ZFHX3: variants seen among roughly 807,000 people sequenced by gnomAD.
ZFHX3 encodes zinc finger homeobox 3, also known as zinc finger homeobox protein 3.
In ZFHX3, 42 loss-of-function variants were observed where a neutral mutation model predicts 279.1. The observed-to-expected ratio is 0.15, with a 90% CI of 0.12 to 0.19. The LOEUF is 0.19. Ranked by LOEUF, ZFHX3 falls within the 10% of genes least tolerant of loss-of-function variation. The pLI is 1.00. For synonymous variants in ZFHX3, 2,293 were observed against 1,957.8 expected, an observed-to-expected ratio of 1.17 and a Z score of -4.52; for missense variants, 4,981 against 4,754.0, an observed-to-expected ratio of 1.05 and a Z score of -1.40.
chr16:73,881,894 C>A (rs979699760), intron 1 of ZFHX3, among the ~76,000 whole-genome samples: 1 of 152,082 alleles, frequency 6.6e-6, no homozygotes, highest in Non-Finnish European at 1.5e-5. Flanking sequence ...ACCTGCCCCG[C>A]AGCTCCCCTC....
chr16:73,451,137 A>G (rs2018276213), intron 3 of ZFHX3, among the ~76,000 whole-genome samples: 3 of 152,198 alleles, frequency 2.0e-5, no homozygotes, highest in Admixed American at 2.0e-4. Context: ...AGTGGGTGAG[A>G]TGAGATCAGT....
In ZFHX3 at chr16:72,787,025, TTTTTC is replaced by T; in HGVS notation, c.*134_*138del. On this transcript the variant is annotated 3_prime_UTR_variant, in exon 10 of 10. Coordinates refer to ENST00000268489, the MANE Select transcript of ZFHX3 (RefSeq NM_006885.4). The stretch of plus-strand genomic sequence containing the variant: ...AGGTATATGGGAAAACAACCCACGC[TTTTTC>T]TTTTTTTTCTTTTTTTTTTTTTTTT... The T allele has an allele frequency of 2.0e-6, 2 of 1,023,230 alleles. No individual in the cohort carries two copies. Among genetic ancestry groups the T allele is most frequent in the East Asian group, 3.5e-5 (1 of 28,324 alleles). The allele number at this position is 1,023,230 out of a possible 1,614,324, so 63.4% of individuals were successfully genotyped here. A position where few individuals can be genotyped will look rare whatever the true frequency, so the allele number is the denominator to read the frequency against.
chr16:73,680,849 G>C (rs1378358871), intron 1 of ZFHX3, among the ~76,000 whole-genome samples: 4 of 152,102 alleles, frequency 2.6e-5, no homozygotes, highest in Non-Finnish European at 5.9e-5. Flanking sequence ...GTGTGAGTGG[G>C]GTAAGTGCCT....
chr16:73,871,484 TAA>T (rs1249371833), intron 1 of ZFHX3, among the ~76,000 whole-genome samples: 1 of 135,132 alleles, frequency 7.4e-6, no homozygotes, highest in Admixed American at 7.4e-5. Context: ...GGGAGGACAA[TAA>T]AAAAAAAAAG....
intron 1 of ZFHX3, among the ~76,000 whole-genome samples, chr16:73,735,291 G>T (rs957484047): frequency 4.0e-5 from 6 of 149,902 alleles, no homozygotes; most frequent in East Asian, 2.0e-4. Context: ...CAACTATAAG[G>T]TTTGATGATA....
chr16:73,552,881 C>T (rs1348245630), intron 2 of ZFHX3, among the ~76,000 whole-genome samples: 1 of 152,212 alleles, frequency 6.6e-6, no homozygotes, highest in Non-Finnish European at 1.5e-5. Flanking sequence ...CCAGTAACAC[C>T]TCTGAAGGCA....
intron 1 of ZFHX3, among the ~76,000 whole-genome samples, chr16:73,748,434 A>G (rs2053724145): frequency 6.6e-6 from 1 of 152,180 alleles, no homozygotes; most frequent in Admixed American, 6.5e-5. Flanking sequence ...AGATTTCCTG[A>G]GCTGGCATTC....
At chr16:73,864,933 T>A (rs1314972674) in intron 1 of ZFHX3, among the ~76,000 whole-genome samples, 1 of 152,244 alleles carries the variant, frequency 6.6e-6, no homozygotes, top group Non-Finnish European at 1.5e-5. Context: ...CAGCTTGTTT[T>A]GACCAATACA....
intron 7 of ZFHX3, chr16:73,098,701 T>G (rs1966196243): frequency 6.6e-6 from 1 of 152,222 alleles, no homozygotes; most frequent in African/African-American, 2.4e-5. Flanking sequence ...TTTTTTCATC[T>G]GATCTACCTT....
At chr16:73,033,306 T>A (rs936675160) in intron 1 of ZFHX3, among the ~76,000 whole-genome samples, 13 of 152,178 alleles carry the variant, frequency 8.5e-5, no homozygotes, top group Non-Finnish European at 1.3e-4. Context: ...AGTGTCTGAC[T>A]GAGGGAGAAA....
At chr16:72,789,532 G>C (rs1266071219) in intron 9 of ZFHX3, 2 of 152,406 alleles carry the variant, frequency 1.3e-5, no homozygotes, top group African/African-American at 4.8e-5. Context: ...AAGAAAGCTA[G>C]CACGGCCACA....
chr16:72,820,410 G>A (rs939814131), intron 5 of ZFHX3, among the ~76,000 whole-genome samples: 11 of 152,166 alleles, frequency 7.2e-5, no homozygotes, highest in African/African-American at 2.7e-4. Context: ...TGCTCCCTCT[G>A]TGTCAGGTTT....
intron 2 of ZFHX3, among the ~76,000 whole-genome samples, chr16:73,527,754 T>G (rs1035210378): frequency 1.3e-5 from 2 of 152,140 alleles, no homozygotes; most frequent in African/African-American, 4.8e-5. Flanking sequence ...AATGCATAGC[T>G]CCAGCCACCA....
chr16:72,898,885 T>C (rs1443828969), intron 3 of ZFHX3, among the ~76,000 whole-genome samples: 1 of 152,050 alleles, frequency 6.6e-6, no homozygotes, highest in Non-Finnish European at 1.5e-5. Context: ...CAGATCATAA[T>C]GTCACAAGCA....
intron 1 of ZFHX3, among the ~76,000 whole-genome samples, chr16:73,792,859 C>A (rs575245569): frequency 4.9e-5 from 7 of 142,278 alleles, no homozygotes; most frequent in Non-Finnish European, 7.6e-5. Context: ...ACAGTGCACC[C>A]CCCCCCTCCC....
In ZFHX3 at chr16:73,624,272, C is replaced by A. The variant is rs148507385; in HGVS notation, c.-1547+55908G>T. Reference sequence around the variant, plus strand: ...AAAATACAAAGAAGGAAAAAAAATTCTTTAGCTGTTTCAAATGCACCAATG... The same window carrying A: ...AAAATACAAAGAAGGAAAAAAAATTATTTAGCTGTTTCAAATGCACCAATG... On this transcript the variant is annotated intron_variant, in intron 2 of 17. Coordinates refer to the ZFHX3 transcript ENST00000641206. 3.6e-3 allele frequency among the ~76,000 whole-genome samples: 555 copies of A among 152,250 alleles called. 4 individuals are homozygous for A. The highest frequency in any genetic ancestry group is 0.012 in the African/African-American group (518 of 41,550).
chr16:73,018,513 C>T (rs933853699), intron 1 of ZFHX3, among the ~76,000 whole-genome samples: 55 of 152,024 alleles, frequency 3.6e-4, no homozygotes, highest in African/African-American at 1.3e-3. Context: ...GCAGGAGGAT[C>T]GCTTGAACCC....
At chr16:73,512,789 G>A (rs916739556) in intron 2 of ZFHX3, among the ~76,000 whole-genome samples, 1 of 152,200 alleles carries the variant, frequency 6.6e-6, no homozygotes, top group East Asian at 1.9e-4. Context: ...GGGTCAGGAG[G>A]TGGGAATGTT....
chr16:73,159,295 T>TA (rs1233253931), intron 5 of ZFHX3, among the ~76,000 whole-genome samples: 7 of 152,360 alleles, frequency 4.6e-5, no homozygotes, highest in Admixed American at 4.6e-4. Flanking sequence ...GCCATTGTGG[T>TA]AAAAATGGTC....
Sources: gnomAD v4.1 joint callset for allele counts (sites outside exome capture counted in the v4.1 genomes callset) on GRCh38, gnomAD v4.1.1 for gene constraint, MANE v1.5 for transcripts, NCBI Gene and HGNC (gene_info 2026-07-23, HGNC 2026-07-21) for gene names.